SVEP1: variants seen among roughly 807,000 people sequenced by gnomAD.
The protein encoded by SVEP1 is sushi, von Willebrand factor type A, EGF and pentraxin domain containing 1.
A neutral mutation model predicts 367.3 loss-of-function variants in SVEP1; 164 were observed. The observed-to-expected ratio is 0.45, with a 90% CI of 0.39 to 0.51. SVEP1 has a LOEUF of 0.51. SVEP1 is among the 20% of genes least tolerant of loss of function. The pLI is 0.00. For missense variants in SVEP1, 4,117 were observed against 4,425.3 expected, an observed-to-expected ratio of 0.93 and a Z score of 1.98; for synonymous variants, 1,666 against 1,611.6, an observed-to-expected ratio of 1.03 and a Z score of -0.81.
intron 2 of SVEP1, 81 bp from the exon 3 acceptor site, chr9:110,546,372 C>A: frequency 7.0e-7 from 1 of 1,429,494 alleles, no homozygotes; most frequent in Middle Eastern, 1.8e-4. Flanking sequence ...AATTTAAGTG[C>A]AAGCTGGAGA....
At chr9:110,373,846 G>T (rs1248704659) in intron 46 of SVEP1, among the ~76,000 whole-genome samples, 3 of 152,144 alleles carry the variant, frequency 2.0e-5, no homozygotes, top group Non-Finnish European at 4.4e-5. Context: ...TCAAAGTATA[G>T]TGGGCCAAAT....
intron 45 of SVEP1, 46 bp downstream of exon 45, chr9:110,377,225 C>T: frequency 6.3e-7 from 1 of 1,576,784 alleles, no homozygotes; most frequent in Non-Finnish European, 8.7e-7. Flanking sequence ...TGGGAGCATC[C>T]AGGCAATTTG....
intron 12 of SVEP1, among the ~76,000 whole-genome samples, chr9:110,480,118 G>A (rs1318085401): frequency 4.6e-5 from 7 of 152,060 alleles, no homozygotes; most frequent in Non-Finnish European, 1.0e-4. Flanking sequence ...ATCTTATATA[G>A]CACATATAAT....
chr9:110,376,299 CCTGTCGTG>C (rs1827350282), intron 45 of SVEP1, among the ~76,000 whole-genome samples: 1 of 152,072 alleles, frequency 6.6e-6, no homozygotes, highest in South Asian at 2.1e-4. Flanking sequence ...CCAAGCCAGA[CCTGTCGTG>C]GGGTACCCCA....
chr9:110,412,092 T>C (rs929498929), intron 36 of SVEP1, among the ~76,000 whole-genome samples: 3 of 152,246 alleles, frequency 2.0e-5, no homozygotes, highest in Non-Finnish European at 2.9e-5. Flanking sequence ...TAAGATTTTT[T>C]TGCTACTTAA....
intron 32 of SVEP1, among the ~76,000 whole-genome samples, chr9:110,431,685 C>T (rs1828351216): frequency 6.6e-6 from 1 of 152,136 alleles, no homozygotes; most frequent in Non-Finnish European, 1.5e-5. Context: ...TCATAGTTGG[C>T]TGTCAGTTTT....
chr9:110,405,908 G>A (rs369639641), intron 38 of SVEP1, among the ~76,000 whole-genome samples: 5 of 152,240 alleles, frequency 3.3e-5, no homozygotes, highest in East Asian at 3.9e-4. Context: ...TTTGTTTCAC[G>A]AAGCTCAACA....
At chr9:110,383,522 CTG>C in intron 43 of SVEP1, among the ~76,000 whole-genome samples, 1 of 60,934 alleles carries the variant, frequency 1.6e-5, no homozygotes, top group African/African-American at 7.1e-5. Context: ...CTGGTGACCC[CTG>C]TTGTGGGGGG....
chr9:110,517,597 C>CAAA (rs10656763), intron 3 of SVEP1, among the ~76,000 whole-genome samples: 14,108 of 125,528 alleles, frequency 0.11, 936 homozygotes, highest in Middle Eastern at 0.13. Context: ...GACGCTATCT[C>CAAA]AAAAAAAAAA....
intron 11 of SVEP1, 35 bp from the exon 12 acceptor site, chr9:110,481,471 G>C: frequency 3.0e-6 from 4 of 1,347,540 alleles, no homozygotes; most frequent in Non-Finnish European, 3.9e-6. Flanking sequence ...CATATATAGT[G>C]GTACAAGAAG....
intron 36 of SVEP1, among the ~76,000 whole-genome samples, chr9:110,425,292 T>G (rs1828235471): frequency 6.6e-6 from 1 of 152,206 alleles, no homozygotes; most frequent in East Asian, 1.9e-4. Context: ...TGTCATCACT[T>G]TATATGCTAA....
intron 3 of SVEP1, among the ~76,000 whole-genome samples, chr9:110,533,714 G>A (rs1347803253): frequency 6.6e-6 from 1 of 152,132 alleles, no homozygotes; most frequent in East Asian, 1.9e-4. Flanking sequence ...AACAAGCATA[G>A]CCCGATTTCC....
At position 110,496,916 on chromosome 9, in the gene SVEP1, T is replaced by C. The variant is rs1829458283; in HGVS notation, c.1699A>G (p.Ile567Val). 15 of 1,547,298 alleles carry C rather than the reference T, an allele frequency of 9.7e-6. No homozygotes were observed. The highest frequency in any genetic ancestry group is 1.3e-5 in the Non-Finnish European group (15 of 1,143,212). Residue 567 changes from isoleucine to valine, a missense_variant, in exon 8 of 48, where the codon ATC becomes GTC. Coordinates refer to ENST00000374469, the MANE Select transcript of SVEP1 (RefSeq NM_153366.4). ...GCCTCTATGTCCTTAGGACAGTTGA[T>C]TTGAGGAGCCTCCACGTCTAACTCA... The part of the protein sequence containing the change: ...AVCKDVEAPQ[I>V]NCPKDIEAKT...
chr9:110,391,548 A>G (rs923205034), intron 40 of SVEP1, among the ~76,000 whole-genome samples: 4 of 152,150 alleles, frequency 2.6e-5, no homozygotes, highest in South Asian at 4.1e-4. Flanking sequence ...CTGAGGTTAT[A>G]GGCGTGAGCC....
rs375316324 is a variant in SVEP1, at chr9:110,542,926, G to T, written c.964+3189C>A. On this transcript the variant is annotated intron_variant, in intron 3 of 47. Coordinates refer to ENST00000374469, the MANE Select transcript of SVEP1 (RefSeq NM_153366.4). Reference sequence around the variant, plus strand: ...ACATGTATACGTATGTAACAAACCTGCACGTTGTGCACATGTACCCTAGAA... The same window carrying T: ...ACATGTATACGTATGTAACAAACCTTCACGTTGTGCACATGTACCCTAGAA... Among the ~76,000 whole-genome samples the T allele has an allele frequency of 8.1e-5, 12 of 148,650 alleles. No homozygotes were observed. The East Asian group carries it at 2.4e-3, about 29-fold the overall frequency.
rs1828615288 is a variant in SVEP1 at position 110,447,170 on chromosome 9, C to A, written c.4104-113G>T. 5.9e-6 allele frequency: 6 copies of A among 1,008,968 alleles called. No homozygotes were observed. The South Asian group carries it at 1.5e-4, about 25-fold the overall frequency. The allele number at this position is 1,008,968 out of a possible 1,614,324, so 62.5% of individuals were successfully genotyped here. Reference sequence around the variant, plus strand: ...TTGAAATGCTGGAACACATTTTCTACACCAAAACAGTGCTTTAATTGCAGG... The same window carrying A: ...TTGAAATGCTGGAACACATTTTCTAAACCAAAACAGTGCTTTAATTGCAGG... On this transcript the variant is annotated intron_variant, in intron 24 of 47. Coordinates refer to ENST00000374469, the MANE Select transcript of SVEP1 (RefSeq NM_153366.4).
At chr9:110,547,258 T>C (rs1830232065) in intron 2 of SVEP1, among the ~76,000 whole-genome samples, 1 of 152,070 alleles carries the variant, frequency 6.6e-6, no homozygotes, top group Non-Finnish European at 1.5e-5. Flanking sequence ...GACTGTGGTG[T>C]GGGTAAAAGA....
intron 39 of SVEP1, among the ~76,000 whole-genome samples, chr9:110,403,376 T>G (rs1294160439): frequency 7.4e-6 from 1 of 134,628 alleles, no homozygotes; most frequent in African/African-American, 2.8e-5. Context: ...GCAATCTCGG[T>G]TCACTGCAAC....
chr9:110,481,499 G>A lies in SVEP1; in HGVS notation c.2171-63C>T, dbSNP rs1210588308. ...ACAAGAAGCATAAATTAAATTCCAG[G>A]AGCTTAAGCAGAATTTTGAAAAGGA... On this transcript the variant is annotated intron_variant, in intron 11 of 47. Coordinates refer to ENST00000374469, the MANE Select transcript of SVEP1 (RefSeq NM_153366.4). 3.2e-6 allele frequency: 4 copies of A among 1,265,520 alleles called. No homozygotes were observed. The East Asian group carries it at 8.4e-5, about 26-fold the overall frequency. The allele number at this position is 1,265,520 out of a possible 1,614,324, so 78.4% of individuals were successfully genotyped here.
Sources: allele counts gnomAD v4.1 joint callset (sites outside exome capture counted in the v4.1 genomes callset), GRCh38; gene constraint gnomAD v4.1.1; transcripts MANE v1.5; gene names NCBI Gene and HGNC (gene_info 2026-07-23, HGNC 2026-07-21).